TNFRSF25: variants seen among roughly 807,000 people sequenced by gnomAD.
TNFRSF25 encodes the protein tumor necrosis factor receptor superfamily member 25.
A neutral mutation model predicts 49.4 loss-of-function variants in TNFRSF25; 28 were observed. That is an observed-to-expected ratio of 0.57 (90% CI 0.42 to 0.78). The LOEUF is 0.78. Ranked by LOEUF, TNFRSF25 falls within the 30% of genes least tolerant of loss-of-function variation. The pLI, the probability that TNFRSF25 is intolerant of heterozygous loss-of-function variation, is 0.00. For missense variants in TNFRSF25, 531 were observed against 581.6 expected (o/e 0.91, Z 0.90); for synonymous variants, 240 against 234.2 (o/e 1.02, Z -0.23).
rs368997340 is a variant in TNFRSF25 at position 6,461,888 on chromosome 1, G to A, written c.925+106C>T. 6.1e-6 allele frequency: 9 copies of A among 1,480,808 alleles called. No individual in the cohort carries two copies. The African/African-American group carries it at 8.4e-5, about 14-fold the overall frequency. The allele number at this position is 1,480,808 out of a possible 1,614,324, so 91.7% of individuals were successfully genotyped here. On this transcript the variant is annotated intron_variant, in intron 9 of 9. Transcript: ENST00000356876. This position sits in a 1 kb window ranked among gnomAD's most constrained non-coding sequence, Gnocchi z 6.3. ...GATCCGGTGGGTCAGGGCATAGGGC[G>A]GACTCCGTCAGTTAGGGGGCAGAAA... is the stretch of plus-strand genomic sequence containing the variant.
rs1192494462 is a variant in TNFRSF25 at position 6,461,904 on chromosome 1, G to A, written c.925+90C>T. On this transcript the variant is annotated intron_variant, in intron 9 of 9. Transcript: ENST00000356876. This position sits in a 1 kb window ranked among gnomAD's most constrained non-coding sequence, Gnocchi z 6.3. The stretch of plus-strand genomic sequence containing the variant: ...GCATAGGGCGGACTCCGTCAGTTAG[G>A]GGGCAGAAAGGGAACACGTTGTGAA... The A allele has an allele frequency of 1.1e-5, 17 of 1,507,590 alleles. No homozygotes were observed. Among genetic ancestry groups the A allele is most frequent in the Non-Finnish European group, 1.4e-5 (16 of 1,132,274 alleles). The allele number at this position is 1,507,590 out of a possible 1,614,324, so 93.4% of individuals were successfully genotyped here.
In TNFRSF25 at chr1:6,465,567, G is replaced by A. The variant is rs781603246; in HGVS notation, c.40-7C>T. On this transcript the variant is annotated splice_polypyrimidine_tract_variant and splice_region_variant and intron_variant, in intron 1 of 9. Transcript: ENST00000356876. ...GCAGCACCAGGAGGAGCGCCTGGGG[G>A]ACAGGTGCTGCTGACTCTCAGCGCA... 5 of 1,611,098 alleles carry A rather than the reference G, an allele frequency of 3.1e-6. No individual in the cohort carries two copies. The highest frequency in any genetic ancestry group is 3.4e-6 in the Non-Finnish European group (4 of 1,178,930).
Position 6,461,420 on chromosome 1 carries a change from A to T in TNFRSF25, c.*14T>A. On this transcript the variant is annotated 3_prime_UTR_variant, in exon 10 of 10. Transcript: ENST00000356876. The surrounding 1 kb of genome is among the most constrained non-coding windows in gnomAD (Gnocchi z 6.3). ...AGGGCCACCAGAGCGCCTAGGTGGCAAGTGGGCGCCGTGTCACGGGCCGCG... is the reference window on the plus strand; with the variant it reads ...AGGGCCACCAGAGCGCCTAGGTGGCTAGTGGGCGCCGTGTCACGGGCCGCG... The T allele has an allele frequency of 6.7e-7, 1 of 1,488,308 alleles. No homozygotes were observed. Among genetic ancestry groups the T allele is most frequent in the Non-Finnish European group, 8.9e-7 (1 of 1,120,434 alleles). 92.2% of individuals were successfully genotyped at this position (1,488,308 alleles called of 1,614,324 possible).
At chr1:6,465,835 T>G in intron 1 of TNFRSF25, 2 of 1,423,918 alleles carry the variant, frequency 1.4e-6, no homozygotes, top group Non-Finnish European at 1.8e-6. Flanking sequence ...CCATGCTTTC[T>G]GTTGGGGGAG....
At position 6,466,062 on chromosome 1, in the gene TNFRSF25, A is replaced by G. The variant is rs1245193600; in HGVS notation, c.39+7T>C. On this transcript the variant is annotated splice_region_variant and intron_variant, in intron 1 of 9. Coordinates refer to ENST00000356876, the MANE Select transcript of TNFRSF25 (RefSeq NM_003790.3). ...AGCTGCCCCTAGCCTCCTGCGTCTC[A>G]ACTCACCGCCGCCACCGCCGCGCAG... 16 of 1,579,272 alleles carry G rather than the reference A, an allele frequency of 1.0e-5. No homozygotes were observed. The highest frequency in any genetic ancestry group is 1.4e-5 in the Non-Finnish European group (16 of 1,165,238).
chr1:6,463,106 T>G lies in TNFRSF25; in HGVS notation c.564A>C (p.Pro188=). The part of the protein sequence containing the change: ...SCPTSTLGSC[P]ERCAAVCGWR... ...AGCCACAGACAGCGGCACAGCGCTC[T>G]GGACAGCTCCCCAGGGTGCTCCTGC... The change falls in exon 6 of 10, where the codon CCA becomes CCC. Residue 188 remains proline, a synonymous_variant. Transcript: ENST00000356876. 6.4e-7 allele frequency: 1 copy of G among 1,551,728 alleles called. No homozygotes were observed. The highest frequency in any genetic ancestry group is 1.2e-5 in the South Asian group (1 of 84,072).
chr1:6,462,204 C>T lies in TNFRSF25; in HGVS notation c.745-30G>A. 6.3e-7 allele frequency: 1 copy of T among 1,576,132 alleles called. No individual in the cohort carries two copies. The highest frequency in any genetic ancestry group is 1.1e-5 in the South Asian group (1 of 86,996). On this transcript the variant is annotated intron_variant, in intron 8 of 9. Transcript: ENST00000356876. This position sits in a 1 kb window ranked among gnomAD's most constrained non-coding sequence, Gnocchi z 4.2. The stretch of plus-strand genomic sequence containing the variant: ...AAGCCAAGAGGGGCCCCAGGTCAGC[C>T]CTGCTTGCCAAGTAAGGCCCCTTAC...
At position 6,464,359 on chromosome 1, in the gene TNFRSF25, G is replaced by T; in HGVS notation, c.542+16C>A. 1 of 1,598,538 alleles carries T rather than the reference G, an allele frequency of 6.3e-7. No homozygotes were observed. The highest frequency in any genetic ancestry group is 1.1e-5 in the South Asian group (1 of 88,398). Reference sequence around the variant, plus strand: ...CCAGCCGCCCTTCCCTCCATCCCACGACAGCTAGGAATTACGTGGGGCAGG... The same window carrying T: ...CCAGCCGCCCTTCCCTCCATCCCACTACAGCTAGGAATTACGTGGGGCAGG... On this transcript the variant is annotated intron_variant, in intron 5 of 9. Coordinates refer to ENST00000356876, the MANE Select transcript of TNFRSF25 (RefSeq NM_003790.3).
In TNFRSF25 at chr1:6,461,503, C is replaced by T; in HGVS notation, c.1185G>A (p.Ala395=). ...CGTCCAGCCCCATGCGCTCCAGGGC[C>T]GCGTAAACGGCTCCGAGGCCCGCGG... ...QQPAGLGAVY[A]ALERMGLDGC... Residue 395 remains alanine, a synonymous_variant, in exon 10 of 10, where the codon GCG becomes GCA. Transcript: ENST00000356876. The surrounding 1 kb of genome is among the most constrained non-coding windows in gnomAD (Gnocchi z 6.3). 2 of 1,595,600 alleles carry T rather than the reference C, an allele frequency of 1.3e-6. No individual in the cohort carries two copies. Among genetic ancestry groups the T allele is most frequent in the Non-Finnish European group, 1.7e-6 (2 of 1,174,008 alleles).
chr1:6,462,401 T>C lies in TNFRSF25; in HGVS notation c.745-227A>G. The C allele has an allele frequency of 8.2e-7, 1 of 1,225,462 alleles. No homozygotes were observed. Among genetic ancestry groups the C allele is most frequent in the Non-Finnish European group, 1.1e-6 (1 of 907,166 alleles). 75.9% of individuals were successfully genotyped at this position (1,225,462 alleles called of 1,614,324 possible). On this transcript the variant is annotated intron_variant, in intron 8 of 9. Coordinates refer to ENST00000356876, the MANE Select transcript of TNFRSF25 (RefSeq NM_003790.3). This position sits in a 1 kb window ranked among gnomAD's most constrained non-coding sequence, Gnocchi z 4.2. ...CTTGTCCCCCAGCACCATGGGGCTC[T>C]CCTTCCATTGAACTGTTAGCTCCTG... is the stretch of plus-strand genomic sequence containing the variant.
rs781064275 is a variant in TNFRSF25, at chr1:6,462,717, C to T, written c.707-51G>A. On this transcript the variant is annotated intron_variant, in intron 7 of 9. Transcript: ENST00000356876. This position sits in a 1 kb window ranked among gnomAD's most constrained non-coding sequence, Gnocchi z 4.2. ...CAGCCACCAGGCAAGCCTCCTGGACCTGGGTGCTGGTACAGCTCCTCTAGG... is the reference window on the plus strand; with the variant it reads ...CAGCCACCAGGCAAGCCTCCTGGACTTGGGTGCTGGTACAGCTCCTCTAGG... 4.4e-6 allele frequency: 7 copies of T among 1,604,964 alleles called. No homozygotes were observed. Among genetic ancestry groups the T allele is most frequent in the Non-Finnish European group, 6.0e-6 (7 of 1,175,570 alleles).
Position 6,462,147 on chromosome 1 carries a change from C to G in TNFRSF25, c.772G>C (p.Ala258Pro). ...TCAGGAGGTGCTAGAAGGGTGTGGGCGCTGTCCAAGGGTGACAGATGGGTG... is the reference window on the plus strand; with the variant it reads ...TCAGGAGGTGCTAGAAGGGTGTGGGGGCTGTCCAAGGGTGACAGATGGGTG... ...PATHLSPLDS[A>P]HTLLAPPDSS... The change falls in exon 9 of 10, where the codon GCC becomes CCC. Residue 258 changes from alanine to proline, a missense_variant. Coordinates refer to ENST00000356876, the MANE Select transcript of TNFRSF25 (RefSeq NM_003790.3). The surrounding 1 kb of genome is among the most constrained non-coding windows in gnomAD (Gnocchi z 4.2). 2 of 1,612,412 alleles carry G rather than the reference C, an allele frequency of 1.2e-6. No individual in the cohort carries two copies. The highest frequency in any genetic ancestry group is 1.3e-5 in the African/African-American group (1 of 74,934).
In TNFRSF25 at chr1:6,465,096, T is replaced by C; in HGVS notation, c.287A>G (p.Asp96Gly). The stretch of plus-strand genomic sequence containing the variant: ...ACTGAGAAGCCCCTCACCCTGCTCA[T>C]CACAGGCCTGGCAGCGGGCACATTC... ...NSECARCQAC[D>G]EQASQVALEN... Residue 96 changes from aspartate (D) to glycine (G), a missense_variant, in exon 3 of 10, where the codon GAT becomes GGT. Asp to Gly is a moderately conservative substitution (Grantham distance 94, BLOSUM62 -1). Transcript: ENST00000356876. 1.2e-6 allele frequency: 2 copies of C among 1,613,260 alleles called. No homozygotes were observed. Among genetic ancestry groups the C allele is most frequent in the Non-Finnish European group, 1.7e-6 (2 of 1,179,564 alleles).
In TNFRSF25 at chr1:6,465,520, C is replaced by G. The variant is rs1419055598; in HGVS notation, c.80G>C (p.Gly27Ala). 1 of 1,613,538 alleles carries G rather than the reference C, an allele frequency of 6.2e-7. No individual in the cohort carries two copies. The highest frequency in any genetic ancestry group is 1.1e-5 in the South Asian group (1 of 91,090). Residue 27 changes from glycine (G) to alanine (A), a missense_variant, in exon 2 of 10, where the codon GGC becomes GCC. Coordinates refer to ENST00000356876, the MANE Select transcript of TNFRSF25 (RefSeq NM_003790.3). The part of the protein sequence containing the change: ...LVLLGARAQG[G>A]TRSPRCDCAG... Reference sequence around the variant, plus strand: ...ACAGTCACACCTGGGGCTACGAGTGCCGCCCTGGGCCCGGGCCCCCAGCAG... The same window carrying G: ...ACAGTCACACCTGGGGCTACGAGTGGCGCCCTGGGCCCGGGCCCCCAGCAG...
chr1:6,461,636 A>T lies in TNFRSF25; in HGVS notation c.1052T>A (p.Val351Glu). 1 of 1,607,640 alleles carries T rather than the reference A, an allele frequency of 6.2e-7. No individual in the cohort carries two copies. The highest frequency in any genetic ancestry group is 2.2e-5 in the East Asian group (1 of 44,820). Residue 351 changes from valine to glutamate, a missense_variant, in exon 10 of 10, where the codon GTG (valine) becomes GAG (glutamate). Physicochemically the swap from Val to Glu is moderately radical, Grantham distance 121. Coordinates refer to ENST00000356876, the MANE Select transcript of TNFRSF25 (RefSeq NM_003790.3). The surrounding 1 kb of genome is among the most constrained non-coding windows in gnomAD (Gnocchi z 6.3). ...TGCCTCGCGCAGCCCCAGCGTGCGC[A>T]CGAACTCCTTCCAGCGCCGCGCTGG... ...AVPARRWKEFVRTLGLREAEI... is the reference protein window; with the variant it reads ...AVPARRWKEFERTLGLREAEI...
intron 2 of TNFRSF25, 52 bp downstream of exon 2, chr1:6,465,388 A>G: frequency 6.7e-7 from 1 of 1,502,044 alleles, no homozygotes; most frequent in Non-Finnish European, 9.0e-7. Flanking sequence ...CCTGCCCGCC[A>G]CCTCTCCAGC....
At chr1:6,463,188 G>A in intron 5 of TNFRSF25, 61 bp from the exon 6 acceptor site, 1 of 1,508,928 alleles carries the variant, frequency 6.6e-7, no homozygotes, top group Non-Finnish European at 9.0e-7. Context: ...GGCTCCCTAA[G>A]ACTGCCCAGC....
rs763107305 is a variant in TNFRSF25 at position 6,462,109 on chromosome 1, C to G, written c.810G>C (p.Lys270Asn). 5 of 1,613,896 alleles carry G rather than the reference C, an allele frequency of 3.1e-6. No homozygotes were observed. Among genetic ancestry groups the G allele is most frequent in the Non-Finnish European group, 4.2e-6 (5 of 1,179,926 alleles). The change falls in exon 9 of 10, where the codon AAG becomes AAC. Residue 270 changes from lysine (K) to asparagine (N), a missense_variant. By Grantham distance (94) the Lys-to-Asn change is moderately conservative. Coordinates refer to ENST00000356876, the MANE Select transcript of TNFRSF25 (RefSeq NM_003790.3). This position sits in a 1 kb window ranked among gnomAD's most constrained non-coding sequence, Gnocchi z 4.2. ...TLLAPPDSSE[K>N]ICTVQLVGNS... ...TACCCACCAACTGGACGGTGCAGAT[C>G]TTCTCACTGCTGTCAGGAGGTGCTA...
Position 6,461,553 on chromosome 1 carries a change from G to C in TNFRSF25, c.1135C>G (p.Leu379Val). 1 of 1,609,788 alleles carries C rather than the reference G, an allele frequency of 6.2e-7. No individual in the cohort carries two copies. ...GRFRDQQYEM[L>V]KRWRQQQPAG... is the part of the protein sequence containing the mutation. ...GGCTGCTGCTGGCGCCAGCGCTTGA[G>C]CATCTCGTACTGCTGGTCTCGGAAG... Residue 379 changes from leucine to valine, a missense_variant, in exon 10 of 10, where the codon CTC becomes GTC. Physicochemically the swap from Leu to Val is conservative, Grantham distance 32. Transcript: ENST00000356876. This position sits in a 1 kb window ranked among gnomAD's most constrained non-coding sequence, Gnocchi z 6.3.
Sources: allele counts gnomAD v4.1 joint callset, GRCh38; gene constraint gnomAD v4.1.1; non-coding constraint Gnocchi (gnomAD v3.1); transcripts MANE v1.5; gene names NCBI Gene and HGNC (gene_info 2026-07-23, HGNC 2026-07-21).